Variants in CACNA1E observed in about 807,000 individuals in gnomAD.
The protein encoded by CACNA1E is calcium voltage-gated channel subunit alpha1 E, also known as voltage-dependent R-type calcium channel subunit alpha-1E.
Under a neutral mutation model 259.2 loss-of-function variants are expected in CACNA1E, and 40 were observed. The ratio of observed to expected loss-of-function variants is 0.15; its 90% CI spans 0.12 to 0.20. CACNA1E has a LOEUF of 0.20. Ranked by LOEUF, CACNA1E falls within the 10% of genes least tolerant of loss-of-function variation. The probability of loss-of-function intolerance (pLI) is 1.00; values close to 1 mark genes in which losing one functional copy is unlikely to be tolerated. For synonymous variants in CACNA1E, 1,104 were observed against 1,138.5 expected (o/e 0.97, Z 0.61); for missense variants, 1,874 against 3,040.1 (o/e 0.62, Z 9.02).
In CACNA1E at chr1:181,733,542, C is replaced by G; in HGVS notation, c.3054C>G (p.His1018Gln). The change falls in exon 21 of 48, where the codon CAC becomes CAG. Residue 1018 changes from histidine (H) to glutamine (Q), a missense_variant. By Grantham distance (24) the His-to-Gln change is conservative (BLOSUM62 0). This residue lies in a region of CACNA1E where 476 missense variants were observed against 514.0 expected (regional missense o/e 0.93). Coordinates refer to ENST00000367573, the MANE Select transcript of CACNA1E (RefSeq NM_001205293.3). Reference protein sequence around the residue: ...LPHPELEVGKHVVLTEQEPEG... With the variant: ...LPHPELEVGKQVVLTEQEPEG... ...ATCCTGAGCTGGAAGTGGGGAAGCACGTGGTGCTGACGGAGCAGGAGCCAG... is the reference window on the plus strand; with the variant it reads ...ATCCTGAGCTGGAAGTGGGGAAGCAGGTGGTGCTGACGGAGCAGGAGCCAG... The G allele has an allele frequency of 6.2e-7, 1 of 1,612,266 alleles. No homozygotes were observed. The highest frequency in any genetic ancestry group is 8.5e-7 in the Non-Finnish European group (1 of 1,179,040).
Position 181,726,172 on chromosome 1 carries a change from C to T in CACNA1E, c.2240+10C>T. 1 of 1,596,528 alleles carries T rather than the reference C, an allele frequency of 6.3e-7. No individual in the cohort carries two copies. Among genetic ancestry groups the T allele is most frequent in the Non-Finnish European group, 8.6e-7 (1 of 1,167,214 alleles). On this transcript the variant is annotated intron_variant, in intron 18 of 47. Coordinates refer to ENST00000367573, the MANE Select transcript of CACNA1E (RefSeq NM_001205293.3). ...ACATGCCTTCGATCGAGTGAGTCAG[C>T]TGCCCCCTTCACTGATCCCTGAGCT...
intron 6 of CACNA1E, among the ~76,000 whole-genome samples, chr1:181,594,414 A>G (rs1339089991): frequency 6.6e-6 from 1 of 152,076 alleles, no homozygotes; most frequent in Non-Finnish European, 1.5e-5. Flanking sequence ...TATTCAGAAG[A>G]CCTGTATTTG....
Position 181,804,367 on chromosome 1 carries a change from C to A in CACNA1E, c.*5533C>A, listed in dbSNP as rs1355923504. 2.0e-5 allele frequency: 3 copies of A among 152,108 alleles called. No individual in the cohort carries two copies. Among genetic ancestry groups the A allele is most frequent in the African/African-American group, 7.2e-5 (3 of 41,428 alleles). The allele number at this position is 152,108 out of a possible 1,614,324, so 9.4% of individuals were successfully genotyped here. A position where few individuals can be genotyped will look rare whatever the true frequency, so the allele number is the denominator to read the frequency against. ...TTCTCTCTGGTCTCCTTTTTGTCGTCTTTCTCTTTCTGTCTAAATTGGCCT... is the reference window on the plus strand; with the variant it reads ...TTCTCTCTGGTCTCCTTTTTGTCGTATTTCTCTTTCTGTCTAAATTGGCCT... On this transcript the variant is annotated 3_prime_UTR_variant, in exon 48 of 48. Transcript: ENST00000367573.
chr1:181,393,772 A>T (rs1035025711), intron 1 of CACNA1E, among the ~76,000 whole-genome samples: 1 of 152,202 alleles, frequency 6.6e-6, no homozygotes, highest in African/African-American at 2.4e-5. Flanking sequence ...AGGACTGGTG[A>T]TCTTTTCTGA....
At chr1:181,793,286 C>G (rs191750307) in intron 44 of CACNA1E, among the ~76,000 whole-genome samples, 1 of 152,316 alleles carries the variant, frequency 6.6e-6, no homozygotes. Context: ...TGATAAAAGG[C>G]TTCTTCAGAT....
chr1:181,508,147 T>TTGTGTGTGTGTGTGTGTG (rs55742094), intron 1 of CACNA1E, among the ~76,000 whole-genome samples: 8 of 148,852 alleles, frequency 5.4e-5, no homozygotes, highest in African/African-American at 1.5e-4. Context: ...CCCAAACGCC[T>TTGTGTGTGTGTGTGTGTG]TGTGTGTGTG....
At chr1:181,348,195 A>AC (rs1456055517) in intron 1 of CACNA1E, among the ~76,000 whole-genome samples, 1 of 148,900 alleles carries the variant, frequency 6.7e-6, no homozygotes, top group East Asian at 2.0e-4. Context: ...GTCTCGGTGG[A>AC]CAGATGGACT....
At chr1:181,648,004 C>A (rs977337080) in intron 6 of CACNA1E, among the ~76,000 whole-genome samples, 2 of 152,324 alleles carry the variant, frequency 1.3e-5, no homozygotes, top group African/African-American at 2.4e-5. Context: ...TCTTCAAGAA[C>A]CCCCAGGGCC....
intron 3 of CACNA1E, among the ~76,000 whole-genome samples, chr1:181,566,645 G>A (rs531316218): frequency 4.7e-4 from 71 of 152,294 alleles, no homozygotes; most frequent in African/African-American, 1.7e-3. Flanking sequence ...TTGGAGACAC[G>A]TTCAGGCCAA....
In CACNA1E at chr1:181,732,393, G is replaced by C; in HGVS notation, c.2307G>C (p.Arg769=). The C allele has an allele frequency of 2.0e-6, 3 of 1,525,020 alleles. No individual in the cohort carries two copies. Among genetic ancestry groups the C allele is most frequent in the Non-Finnish European group, 2.6e-6 (3 of 1,134,656 alleles). 94.5% of individuals were successfully genotyped at this position (1,525,020 alleles called of 1,614,324 possible). A position where few individuals can be genotyped will look rare whatever the true frequency, so the allele number is the denominator to read the frequency against. The part of the protein sequence containing the change: ...WEPRSSHLRE[R]RRRHHMSVWE... The stretch of plus-strand genomic sequence containing the variant: ...CCTTTCCCCTTGGCAGGAGGGAGCG[G>C]AGGCGCCGGCACCACATGTCCGTGT... Residue 769 remains arginine (R), a synonymous_variant, in exon 20 of 48, where the codon CGG becomes CGC. Transcript: ENST00000367573. The surrounding 1 kb of genome is among the most constrained non-coding windows in gnomAD (Gnocchi z 5.5).
chr1:181,501,599 C>T (rs902711931), intron 1 of CACNA1E, among the ~76,000 whole-genome samples: 4 of 152,174 alleles, frequency 2.6e-5, no homozygotes, highest in Non-Finnish European at 4.4e-5. Context: ...AACAAAAGGC[C>T]TTTTGGGGAG....
intron 3 of CACNA1E, among the ~76,000 whole-genome samples, chr1:181,519,444 C>T (rs532797969): frequency 2.0e-5 from 3 of 151,960 alleles, no homozygotes; most frequent in Non-Finnish European, 2.9e-5. Context: ...GGGGCAGAGC[C>T]GATGTTGAGA....
chr1:181,683,188 AT>A (rs1650164366), intron 7 of CACNA1E, among the ~76,000 whole-genome samples: 1 of 152,172 alleles, frequency 6.6e-6, no homozygotes, highest in Middle Eastern at 3.2e-3. Context: ...GCATCTTTGC[AT>A]TTTCCAGTCT....
At chr1:181,790,643 C>G (rs1053456160) in intron 44 of CACNA1E, 87 bp downstream of exon 44, 6 of 872,860 alleles carry the variant, frequency 6.9e-6, no homozygotes, top group Non-Finnish European at 1.1e-5. Flanking sequence ...CATGGTCCGT[C>G]AGGAAAATCC....
In CACNA1E at chr1:181,772,153, G is replaced by T. The variant is rs780392268; in HGVS notation, c.5061G>T (p.Gly1687=). Residue 1687 remains glycine (G), a synonymous_variant, in exon 37 of 48, where the codon GGG becomes GGT. Coordinates refer to ENST00000367573, the MANE Select transcript of CACNA1E (RefSeq NM_001205293.3). ...AGCCTGACACCACCGCACCATCAGG[G>T]CAGAACGAGAACGAACGCTGCGGCA... is the stretch of plus-strand genomic sequence containing the variant. ...GCEPDTTAPS[G]QNENERCGTD... is the part of the protein sequence containing the mutation. 4 of 1,613,836 alleles carry T rather than the reference G, an allele frequency of 2.5e-6. No individual in the cohort carries two copies. The highest frequency in any genetic ancestry group is 3.3e-5 in the Admixed American group (2 of 60,010).
upstream of CACNA1E, among the ~76,000 whole-genome samples, chr1:181,482,571 G>A (rs1204683745): frequency 2.0e-5 from 3 of 152,230 alleles, no homozygotes; most frequent in Admixed American, 6.5e-5. Context: ...CTCCCGCCTG[G>A]CCAGCTCCTC....
chr1:181,745,397 G>A (rs747764727), intron 25 of CACNA1E: 130 of 484,352 alleles, frequency 2.7e-4, no homozygotes, highest in African/African-American at 5.3e-4. Flanking sequence ...ATCTCAGCCC[G>A]TGGCCACAGA....
chr1:181,583,126 A>G (rs1169025997), intron 6 of CACNA1E, among the ~76,000 whole-genome samples: 3 of 151,652 alleles, frequency 2.0e-5, no homozygotes, highest in African/African-American at 7.3e-5. Context: ...ACACACACAC[A>G]CACACACACA....
At chr1:181,718,703 G>A (rs1044850059) in intron 12 of CACNA1E, among the ~76,000 whole-genome samples, 5 of 148,762 alleles carry the variant, frequency 3.4e-5, no homozygotes, top group African/African-American at 1.2e-4. Context: ...GAATATCTCA[G>A]TCAGCTGTTT....
Sources: gnomAD v4.1 joint callset for allele counts (sites outside exome capture counted in the v4.1 genomes callset) on GRCh38, gnomAD v4.1.1 for gene constraint, gnomAD v4.1.1 regional missense constraint, Gnocchi (gnomAD v3.1) non-coding constraint, MANE v1.5 for transcripts, NCBI Gene and HGNC (gene_info 2026-07-23, HGNC 2026-07-21) for gene names.